Variants in DNAH12 observed in about 807,000 individuals in gnomAD.
DNAH12 encodes axonemal beta dynein heavy chain 12.
A neutral mutation model predicts 371.5 loss-of-function variants in DNAH12; 285 were observed. That is an observed-to-expected ratio of 0.77 (90% CI 0.70 to 0.85). DNAH12 has a LOEUF of 0.85. Ranked by LOEUF, DNAH12 falls within the 40% of genes least tolerant of loss-of-function variation. The pLI is 0.00. For synonymous variants in DNAH12, 1,200 were observed against 1,213.0 expected (o/e 0.99, Z 0.22); for missense variants, 3,611 against 3,689.4 (o/e 0.98, Z 0.55).
intron 55 of DNAH12, among the ~76,000 whole-genome samples, chr3:57,372,746 A>T (rs1478540351): frequency 3.3e-5 from 5 of 152,188 alleles, no homozygotes; most frequent in Non-Finnish European, 7.4e-5. Context: ...GAATCATAAA[A>T]AACAAATTCA....
chr3:57,495,196 C>T (rs1374470795), intron 11 of DNAH12, among the ~76,000 whole-genome samples: 1 of 152,108 alleles, frequency 6.6e-6, no homozygotes, highest in Admixed American at 6.6e-5. Context: ...ATGTGAATTA[C>T]TTCTCAATAA....
intron 25 of DNAH12, 88 bp from the exon 26 acceptor site, chr3:57,446,777 T>C: frequency 8.0e-7 from 1 of 1,254,576 alleles, no homozygotes; most frequent in Non-Finnish European, 1.0e-6. Context: ...TTTAGCCTGT[T>C]CTGTAGCTTC....
At chr3:57,479,956 C>G (rs1460093658) in intron 13 of DNAH12, among the ~76,000 whole-genome samples, 4 of 152,092 alleles carry the variant, frequency 2.6e-5, no homozygotes, top group Non-Finnish European at 5.9e-5. Flanking sequence ...TAAATGCCCA[C>G]AAGAGAAAGC....
intron 2 of DNAH12, among the ~76,000 whole-genome samples, chr3:57,527,544 C>G (rs985481722): frequency 3.9e-5 from 6 of 152,078 alleles, no homozygotes; most frequent in Admixed American, 6.6e-5. Context: ...GGAGCAAGAG[C>G]AGGGGTGGGA....
chr3:57,309,516 T>C (rs144270479), intron 68 of DNAH12, 150 bp downstream of exon 68: 1 of 809,112 alleles, frequency 1.2e-6, no homozygotes, highest in Admixed American at 3.5e-5. Context: ...ATTGGTAGTA[T>C]TATCACCATT....
chr3:57,408,603 A>T, intron 39 of DNAH12, 68 bp from the exon 40 acceptor site: 1 of 1,385,276 alleles, frequency 7.2e-7, no homozygotes, highest in Non-Finnish European at 9.4e-7. Flanking sequence ...TGAAATATAG[A>T]TCTCCCAAGA....
At chr3:57,374,626 T>C (rs940107576) in intron 55 of DNAH12, among the ~76,000 whole-genome samples, 4 of 152,238 alleles carry the variant, frequency 2.6e-5, no homozygotes, top group Admixed American at 6.5e-5. Context: ...GTACATTGTA[T>C]AGCCAGAAAC....
At chr3:57,309,352 T>G in intron 68 of DNAH12, 98 bp from the exon 69 acceptor site, 1 of 959,678 alleles carries the variant, frequency 1.0e-6, no homozygotes, top group Non-Finnish European at 1.5e-6. Flanking sequence ...AGGGTGTATA[T>G]GTACATTAGC....
rs1343732615 is a variant in DNAH12 at position 57,405,696 on chromosome 3, G to C, written c.6533C>G (p.Ser2178Ter). Residue 2178 changes from serine (S) to a stop codon, truncating the protein, a stop_gained, in exon 41 of 74, where the codon TCA becomes TGA. Coordinates refer to ENST00000495027, the MANE Select transcript of DNAH12 (RefSeq NM_001366028.2). LOFTEE classifies it high-confidence loss of function. ...KTVIKDHFKESFHSIFSHLRK... is the reference protein window; with the variant it reads ...KTVIKDHFKE ...CAAATGTGAAAAGATACTGTGAAAT[G>C]ATTCTTTAAAATGGTCCTTTATAAC... 1 of 1,551,626 alleles carries C rather than the reference G, an allele frequency of 6.4e-7. No individual in the cohort carries two copies. Among genetic ancestry groups the C allele is most frequent in the East Asian group, 2.4e-5 (1 of 40,928 alleles).
chr3:57,447,594 T>G (rs2065552989), intron 25 of DNAH12, among the ~76,000 whole-genome samples: 1 of 149,216 alleles, frequency 6.7e-6, no homozygotes, highest in African/African-American at 2.4e-5. Context: ...GTGATAAATA[T>G]TTTTACTTTA....
At chr3:57,469,779 C>G (rs952761538) in intron 16 of DNAH12, among the ~76,000 whole-genome samples, 1 of 152,042 alleles carries the variant, frequency 6.6e-6, no homozygotes, top group African/African-American at 2.4e-5. Flanking sequence ...GAGCTAAGCC[C>G]TGGGTATACA....
intron 60 of DNAH12, among the ~76,000 whole-genome samples, chr3:57,347,986 T>C (rs1283796968): frequency 6.6e-6 from 1 of 152,192 alleles, no homozygotes; most frequent in Non-Finnish European, 1.5e-5. Flanking sequence ...AACATACTCT[T>C]ACCATACAAT....
At chr3:57,555,757 G>C in the DNAH12 span, among the ~76,000 whole-genome samples, 252 of 152,328 alleles carry the variant, frequency 1.7e-3, no homozygotes, top group African/African-American at 5.6e-3. Context: ...ATTGTATATC[G>C]TTCGTTGTTA....
chr3:57,520,447 A>ATT (rs1295343503), intron 4 of DNAH12, among the ~76,000 whole-genome samples: 69 of 33,338 alleles, frequency 2.1e-3, no homozygotes, highest in African/African-American at 7.1e-3. Flanking sequence ...ATTTATTATT[A>ATT]TTATTTTTTT....
At chr3:57,317,450 A>G (rs951625710) in intron 65 of DNAH12, among the ~76,000 whole-genome samples, 1 of 152,180 alleles carries the variant, frequency 6.6e-6, no homozygotes, top group Non-Finnish European at 1.5e-5. Flanking sequence ...GATACCCTAT[A>G]TAAGTGGAAT....
intron 18 of DNAH12, among the ~76,000 whole-genome samples, chr3:57,462,150 T>C (rs930568484): frequency 6.6e-6 from 1 of 152,198 alleles, no homozygotes; most frequent in Admixed American, 6.5e-5. Context: ...CCAACGACAT[T>C]GGAATGTGGC....
intron 13 of DNAH12, among the ~76,000 whole-genome samples, chr3:57,477,915 C>A (rs959468457): frequency 6.6e-6 from 1 of 152,050 alleles, no homozygotes; most frequent in African/African-American, 2.4e-5. Context: ...ACACCAAAAC[C>A]CCATCTGTAC....
At chr3:57,544,043 T>A (rs562139006) in intron 1 of DNAH12, among the ~76,000 whole-genome samples, 154 bp downstream of exon 1, 3 of 152,160 alleles carry the variant, frequency 2.0e-5, no homozygotes, top group South Asian at 4.1e-4. Flanking sequence ...CGAGACTCCG[T>A]CTCAAAAAAA....
At chr3:57,298,445 A>T (rs1385015988) in intron 70 of DNAH12, among the ~76,000 whole-genome samples, 1 of 152,268 alleles carries the variant, frequency 6.6e-6, no homozygotes, top group Non-Finnish European at 1.5e-5. Flanking sequence ...CAACAGATGA[A>T]GTGCAAGAAG....
Sources: gnomAD v4.1 joint callset for allele counts (sites outside exome capture counted in the v4.1 genomes callset) on GRCh38, gnomAD v4.1.1 for gene constraint, MANE v1.5 for transcripts, NCBI Gene and HGNC (gene_info 2026-07-23, HGNC 2026-07-21) for gene names.